Variants in MYO18A observed in about 807,000 individuals in gnomAD.
The protein encoded by MYO18A is unconventional myosin-XVIIIa.
In MYO18A, 78 loss-of-function variants were observed where a neutral mutation model predicts 235.8. That is an observed-to-expected ratio of 0.33 (90% CI 0.28 to 0.40). The LOEUF is 0.40. Among genes scored for constraint, MYO18A ranks in the 10% least tolerant of loss-of-function variants. The probability of loss-of-function intolerance (pLI) is 1.00; values close to 1 mark genes in which losing one functional copy is unlikely to be tolerated. For missense variants in MYO18A, 2,215 were observed against 2,699.3 expected, an observed-to-expected ratio of 0.82 and a Z score of 3.98; for synonymous variants, 977 against 1,077.8, an observed-to-expected ratio of 0.91 and a Z score of 1.83.
Position 29,110,499 on chromosome 17 carries a change from G to A in MYO18A, c.3024C>T (p.Thr1008=). 2 of 1,603,790 alleles carry A rather than the reference G, an allele frequency of 1.2e-6. No individual in the cohort carries two copies. The highest frequency in any genetic ancestry group is 1.7e-6 in the Non-Finnish European group (2 of 1,175,528). Residue 1008 remains threonine, a synonymous_variant, in exon 18 of 42, where the codon ACC becomes ACT. Transcript: ENST00000527372. ...TGACAGCCGCCATGCCTGTGGTAAA[G>A]GTTTTCCGCATGCTGGTGGCCCGGC... ...ALRRATSMRK[T]FTTGMAAVKK...
chr17:29,107,522 C>T, intron 19 of MYO18A: 3 of 244,758 alleles, frequency 1.2e-5, no homozygotes, highest in Non-Finnish European at 2.4e-5. Flanking sequence ...AGGAAGGCTA[C>T]ATCCCAATCC....
At chr17:29,108,526 G>C (rs1419361416) in intron 19 of MYO18A, among the ~76,000 whole-genome samples, 2 of 152,232 alleles carry the variant, frequency 1.3e-5, no homozygotes, top group Non-Finnish European at 2.9e-5. Context: ...CGACTGTCTT[G>C]CTCAAGGTCA....
chr17:29,102,429 G>A (rs1416149420), intron 21 of MYO18A, among the ~76,000 whole-genome samples: 1 of 152,192 alleles, frequency 6.6e-6, no homozygotes, highest in Non-Finnish European at 1.5e-5. Context: ...GCCCTAGGCA[G>A]GGGCCCAGCT....
Position 29,140,495 on chromosome 17 carries a change from G to C in MYO18A, c.1000-18242C>G, listed in dbSNP as rs1414296184. On this transcript the variant is annotated intron_variant, in intron 2 of 41. Coordinates refer to ENST00000527372, the MANE Select transcript of MYO18A (RefSeq NM_078471.4). This position sits in a 1 kb window ranked among gnomAD's most constrained non-coding sequence, Gnocchi z 4.2. Reference sequence around the variant, plus strand: ...GTCCCGAGCTGCCCAGCCCTAGTTGGAGCCAGCAGCCCGGAGGACTTCGGG... The same window carrying C: ...GTCCCGAGCTGCCCAGCCCTAGTTGCAGCCAGCAGCCCGGAGGACTTCGGG... 9.1e-7 allele frequency: 1 copy of C among 1,097,200 alleles called. No homozygotes were observed. Among genetic ancestry groups the C allele is most frequent in the Non-Finnish European group, 1.2e-6 (1 of 863,442 alleles). The allele number at this position is 1,097,200 out of a possible 1,614,324, so 68.0% of individuals were successfully genotyped here. A position where few individuals can be genotyped will look rare whatever the true frequency, so the allele number is the denominator to read the frequency against.
intron 2 of MYO18A, among the ~76,000 whole-genome samples, chr17:29,146,710 C>G (rs1420972473): frequency 6.6e-6 from 1 of 152,224 alleles, no homozygotes; most frequent in Non-Finnish European, 1.5e-5. Context: ...TGTCTGAGGA[C>G]CAAGGCTGCC....
intron 34 of MYO18A, 161 bp from the exon 35 acceptor site, chr17:29,091,087 C>G: frequency 1.6e-6 from 1 of 616,784 alleles, no homozygotes; most frequent in Non-Finnish European, 2.9e-6. Flanking sequence ...GCTGCCTGTC[C>G]CGCTCTGGAC....
chr17:29,155,004 T>TC (rs2068036840), intron 2 of MYO18A, among the ~76,000 whole-genome samples: 1 of 152,140 alleles, frequency 6.6e-6, no homozygotes, highest in Non-Finnish European at 1.5e-5. Context: ...CTAGATACTT[T>TC]CCCCTTGATG....
At chr17:29,077,385 C>T (rs989009936) in intron 41 of MYO18A, 1 of 152,312 alleles carries the variant, frequency 6.6e-6, no homozygotes, top group African/African-American at 2.4e-5. Context: ...TAAGCTAATT[C>T]CTGCCAGGCA....
At position 29,118,779 on chromosome 17, in the gene MYO18A, T is replaced by C. The variant is rs943805110; in HGVS notation, c.1830-339A>G. Among the ~76,000 whole-genome samples the C allele has an allele frequency of 7.2e-5, 11 of 152,378 alleles. No homozygotes were observed. The highest frequency in any genetic ancestry group is 2.6e-4 in the African/African-American group (11 of 41,596). On this transcript the variant is annotated intron_variant, in intron 8 of 41. Transcript: ENST00000527372. This position sits in a 1 kb window ranked among gnomAD's most constrained non-coding sequence, Gnocchi z 4.2. ...AGAAGGGCTAAAGAGGACAATGGCC[T>C]GGGGATGCTGGCTCAGCCTCATCAT...
intron 1 of MYO18A, among the ~76,000 whole-genome samples, chr17:29,171,988 G>T (rs1181781156): frequency 2.6e-5 from 4 of 152,002 alleles, no homozygotes; most frequent in Non-Finnish European, 5.9e-5. Flanking sequence ...GTTAATTGTA[G>T]AATCTAGGAA....
intron 1 of MYO18A, 29 bp from the exon 2 acceptor site, chr17:29,167,050 G>A (rs1355641578): frequency 6.3e-6 from 9 of 1,420,958 alleles, no homozygotes; most frequent in Non-Finnish European, 8.3e-6. Flanking sequence ...AGAGAGAAAG[G>A]TTATTCGAAC....
At chr17:29,116,132 G>A (rs1470948374) in intron 11 of MYO18A, among the ~76,000 whole-genome samples, 2 of 152,248 alleles carry the variant, frequency 1.3e-5, no homozygotes, top group Non-Finnish European at 2.9e-5. Flanking sequence ...CTCCGGGGAT[G>A]CCCAACTAGG....
At chr17:29,075,016 C>T (rs537870494) in intron 41 of MYO18A, 102 bp from the exon 42 acceptor site, 2 of 1,399,830 alleles carry the variant, frequency 1.4e-6, no homozygotes, top group Non-Finnish European at 2.0e-6. Flanking sequence ...CAGAGCACTC[C>T]CCAAAAGCCA....
chr17:29,166,653 G>A lies in MYO18A; in HGVS notation c.288C>T (p.His96=), dbSNP rs2068291561. 1 of 1,613,708 alleles carries A rather than the reference G, an allele frequency of 6.2e-7. No individual in the cohort carries two copies. The highest frequency in any genetic ancestry group is 1.3e-5 in the African/African-American group (1 of 74,906). The part of the protein sequence containing the change: ...NRGSVILDSG[H]LSTASSSDDL... The stretch of plus-strand genomic sequence containing the variant: ...CATCGCTGGAGCTGGCTGTACTTAG[G>A]TGGCCCGAGTCCAGGATGACGCTGC... Residue 96 remains histidine, a synonymous_variant, in exon 2 of 42, where the codon CAC becomes CAT. Coordinates refer to ENST00000527372, the MANE Select transcript of MYO18A (RefSeq NM_078471.4).
chr17:29,091,031 G>A (rs1480675626), intron 34 of MYO18A, 105 bp from the exon 35 acceptor site: 7 of 876,942 alleles, frequency 8.0e-6, no homozygotes, highest in South Asian at 3.1e-5. Flanking sequence ...ATAATGGGCT[G>A]AGCCTGCCTG....
rs186130671 is a variant in MYO18A, at chr17:29,090,453, A to G, written c.5388+79T>C. 322 of 1,324,916 alleles carry G rather than the reference A, an allele frequency of 2.4e-4. 1 individual carries two copies. Among genetic ancestry groups the G allele is most frequent in the East Asian group, 1.6e-3 (63 of 39,878 alleles). The allele number at this position is 1,324,916 out of a possible 1,614,324, so 82.1% of individuals were successfully genotyped here. A position where few individuals can be genotyped will look rare whatever the true frequency, so the allele number is the denominator to read the frequency against. On this transcript the variant is annotated intron_variant, in intron 36 of 41. Transcript: ENST00000527372. ...CTGATGGCAGAGAAAAGCGCCTTCTAAACTGTGAACTTGGGGGTTCCTCCC... is the reference window on the plus strand; with the variant it reads ...CTGATGGCAGAGAAAAGCGCCTTCTGAACTGTGAACTTGGGGGTTCCTCCC...
Position 29,115,085 on chromosome 17 carries a change from C to T in MYO18A, c.2333G>A (p.Ser778Asn). Residue 778 changes from serine to asparagine, a missense_variant, in exon 14 of 42, where the codon AGC becomes AAC. By Grantham distance (46) the Ser-to-Asn change is conservative. Coordinates refer to ENST00000527372, the MANE Select transcript of MYO18A (RefSeq NM_078471.4). ...CATCATGGAGCAGAGTGAGTGCTGG[C>T]TGGACTTGAGAGCCCTGGATAGGGA... is the stretch of plus-strand genomic sequence containing the variant. ...VSLVNRALKS[S>N]QHSLCSMMIV... 1 of 1,613,090 alleles carries T rather than the reference C, an allele frequency of 6.2e-7. No homozygotes were observed. Among genetic ancestry groups the T allele is most frequent in the Non-Finnish European group, 8.5e-7 (1 of 1,179,390 alleles).
At position 29,121,832 on chromosome 17, in the gene MYO18A, C is replaced by G. The variant is rs1436118697; in HGVS notation, c.1194+19G>C. ...ACTCCTGAGCCTCCTCCCCCACACC[C>G]AGCCCCCTGCCCACCTACCTTCTCA... is the stretch of plus-strand genomic sequence containing the variant. On this transcript the variant is annotated intron_variant, in intron 4 of 41. Transcript: ENST00000527372. The surrounding 1 kb of genome is among the most constrained non-coding windows in gnomAD (Gnocchi z 4.2). 4 of 1,613,562 alleles carry G rather than the reference C, an allele frequency of 2.5e-6. No homozygotes were observed. Among genetic ancestry groups the G allele is most frequent in the Non-Finnish European group, 3.4e-6 (4 of 1,179,586 alleles).
intron 41 of MYO18A, chr17:29,075,243 C>T (rs759488929): frequency 2.0e-5 from 5 of 251,056 alleles, no homozygotes; most frequent in Admixed American, 4.7e-5. Flanking sequence ...AGTAATTCTG[C>T]ATTTTCAGTC....
Sources: allele counts gnomAD v4.1 joint callset (sites outside exome capture counted in the v4.1 genomes callset), GRCh38; gene constraint gnomAD v4.1.1; non-coding constraint Gnocchi (gnomAD v3.1); transcripts MANE v1.5; gene names NCBI Gene and HGNC (gene_info 2026-07-23, HGNC 2026-07-21).